Variants in CAMTA2 observed in about 807,000 individuals in gnomAD.
CAMTA2 encodes the protein calmodulin-binding transcription activator 2.
A neutral mutation model predicts 135.7 loss-of-function variants in CAMTA2; 56 were observed. The ratio of observed to expected loss-of-function variants is 0.41; its 90% CI spans 0.33 to 0.52. The LOEUF (loss-of-function observed/expected upper bound fraction) is 0.52, where lower values mean the gene tolerates loss of function less well. Ranked by LOEUF, CAMTA2 falls within the 20% of genes least tolerant of loss-of-function variation. The pLI is 0.16. For synonymous variants in CAMTA2, 591 were observed against 604.6 expected (o/e 0.98, Z 0.33); for missense variants, 1,358 against 1,553.4 (o/e 0.87, Z 2.11).
Position 4,980,401 on chromosome 17 carries a change from G to C in CAMTA2, c.921C>G (p.Ile307Met). The change falls in exon 9 of 23, where the codon ATC (isoleucine) becomes ATG (methionine). Residue 307 changes from isoleucine (I) to methionine (M), a missense_variant. Physicochemically the swap from Ile to Met is conservative, Grantham distance 10 (BLOSUM62 1). Around this residue, in one of 4 missense-constraint regions of CAMTA2, gnomAD observed 1,077 missense variants for 1,127.5 expected, o/e 0.96. Transcript: ENST00000348066. The surrounding 1 kb of genome is among the most constrained non-coding windows in gnomAD (Gnocchi z 5.3). ...SSSGFAEPLE[I>M]RPSPPTSRGG... ...CTCGAGAAGTGGGAGGGCTAGGTCT[G>C]ATTTCTAGGGGCTCTGCAAAACCTG... is the stretch of plus-strand genomic sequence containing the variant. 3.1e-6 allele frequency: 5 copies of C among 1,614,008 alleles called. No homozygotes were observed. The highest frequency in any genetic ancestry group is 4.2e-6 in the Non-Finnish European group (5 of 1,179,988).
At position 4,979,918 on chromosome 17, in the gene CAMTA2, T is replaced by C; in HGVS notation, c.1404A>G (p.Ser468=). The C allele has an allele frequency of 7.1e-7, 1 of 1,402,526 alleles. No individual in the cohort carries two copies. Among genetic ancestry groups the C allele is most frequent in the East Asian group, 3.1e-5 (1 of 31,826 alleles). 86.9% of individuals were successfully genotyped at this position (1,402,526 alleles called of 1,614,324 possible). The change falls in exon 9 of 23, where the codon TCA becomes TCG. Residue 468 remains serine (S), a synonymous_variant. Transcript: ENST00000348066. ...CCAAGGGGGCAGGTGAGGGTGGGGGTGAGGGAGGGGGTGAAGGTATGGGTG... is the reference window on the plus strand; with the variant it reads ...CCAAGGGGGCAGGTGAGGGTGGGGGCGAGGGAGGGGGTGAAGGTATGGGTG... ...AAPPIPSPPP[S]PPPSPAPLEP...
rs1389940736 is a variant in CAMTA2 at position 4,972,461 on chromosome 17, G to A, written c.2579C>T (p.Pro860Leu). 6.2e-7 allele frequency: 1 copy of A among 1,613,266 alleles called. No individual in the cohort carries two copies. The highest frequency in any genetic ancestry group is 2.2e-5 in the East Asian group (1 of 44,874). ...AGGTGCAGGGGGGGGACTGCCATCTGGGGCACTAGAATAGGCTGACGTGAC... is the reference window on the plus strand; with the variant it reads ...AGGTGCAGGGGGGGGACTGCCATCTAGGGCACTAGAATAGGCTGACGTGAC... The part of the protein sequence containing the change: ...FSVTSAYSSA[P>L]DGSPPPAPLP... The change falls in exon 16 of 23, where the codon CCA (proline) becomes CTA (leucine). Residue 860 changes from proline (P) to leucine (L), a missense_variant. Physicochemically the swap from Pro to Leu is moderately conservative, Grantham distance 98. Coordinates refer to ENST00000348066, the MANE Select transcript of CAMTA2 (RefSeq NM_015099.4).
intron 7 of CAMTA2, 143 bp downstream of exon 7, chr17:4,981,535 T>G: frequency 7.9e-7 from 1 of 1,258,168 alleles, no homozygotes. Flanking sequence ...TTCTAATACC[T>G]GAGAACACAC....
intron 6 of CAMTA2, 63 bp downstream of exon 6, chr17:4,982,026 T>G: frequency 7.2e-7 from 1 of 1,397,048 alleles, no homozygotes; most frequent in Non-Finnish European, 1.0e-6. Flanking sequence ...ACTTCCTTCT[T>G]TCAGACCCGT....
In CAMTA2 at chr17:4,982,623, G is replaced by C. The variant is rs1204155477; in HGVS notation, c.339+134C>G. ...CCAAAGCAATGTCAGCCGACCCAAA[G>C]TGAGTGAGAAGGGAAGAGTAACTGG... On this transcript the variant is annotated intron_variant, in intron 5 of 22. Coordinates refer to ENST00000348066, the MANE Select transcript of CAMTA2 (RefSeq NM_015099.4). 6.1e-6 allele frequency: 6 copies of C among 977,084 alleles called. No individual in the cohort carries two copies. In the African/African-American group the frequency reaches 6.6e-5, roughly 11 times the overall value. The allele number at this position is 977,084 out of a possible 1,614,324, so 60.5% of individuals were successfully genotyped here.
chr17:4,977,348 G>T, intron 10 of CAMTA2, 156 bp from the exon 11 acceptor site: 1 of 829,224 alleles, frequency 1.2e-6, no homozygotes, highest in Non-Finnish European at 1.8e-6. Context: ...CACTAACTGG[G>T]AAGGGAGTCC....
chr17:4,969,141 G>A lies in CAMTA2; in HGVS notation c.3470+9C>T, dbSNP rs773255373. On this transcript the variant is annotated intron_variant, in intron 21 of 22. Transcript: ENST00000348066. This position sits in a 1 kb window ranked among gnomAD's most constrained non-coding sequence, Gnocchi z 5.6. ...TGGGTGGGCACAGAGGGCTGGGGCT[G>A]GGCCCTACTTGTTGCGGGCAGGCAG... is the stretch of plus-strand genomic sequence containing the variant. The A allele has an allele frequency of 6.9e-6, 11 of 1,603,018 alleles. No individual in the cohort carries two copies. The African/African-American group carries it at 1.2e-4, about 18-fold the overall frequency.
At chr17:4,976,999 G>A (rs971472565) in intron 11 of CAMTA2, 59 bp downstream of exon 11, 3 of 1,586,974 alleles carry the variant, frequency 1.9e-6, no homozygotes, top group East Asian at 4.5e-5. Flanking sequence ...TGGTCTAGGA[G>A]CATGTCATGC....
rs1436404728 is a variant in CAMTA2 at position 4,985,780 on chromosome 17, T to C, written c.135+100A>G. On this transcript the variant is annotated intron_variant, in intron 3 of 22. Coordinates refer to ENST00000348066, the MANE Select transcript of CAMTA2 (RefSeq NM_015099.4). ...CCCCAAAGAGCTTAGAATGGTGCTC[T>C]GCACTTAGGAGTGTTGACAGACACG... 3.9e-6 allele frequency: 3 copies of C among 777,554 alleles called. No individual in the cohort carries two copies. In the African/African-American group the frequency reaches 5.1e-5, roughly 13 times the overall value. The allele number at this position is 777,554 out of a possible 1,614,324, so 48.2% of individuals were successfully genotyped here. A position where few individuals can be genotyped will look rare whatever the true frequency, so the allele number is the denominator to read the frequency against.
At chr17:4,982,621 AAGTG>A (rs1300779087) in intron 5 of CAMTA2, 132 bp downstream of exon 5, 3 of 967,202 alleles carry the variant, frequency 3.1e-6, no homozygotes, top group Non-Finnish European at 4.6e-6. Flanking sequence ...AGCCGACCCA[AAGTG>A]AGTGAGAAGG....
chr17:4,986,790 C>T (rs1044653263), intron 1 of CAMTA2: 64 of 605,742 alleles, frequency 1.1e-4, no homozygotes, highest in Non-Finnish European at 1.8e-4. Flanking sequence ...GATAACTGAA[C>T]CTAACCTATT....
At chr17:4,970,273 A>G (rs777439320) in intron 17 of CAMTA2, 67 bp downstream of exon 17, 41 of 1,571,080 alleles carry the variant, frequency 2.6e-5, no homozygotes, top group Non-Finnish European at 3.4e-5. Context: ...GCTGTGGGAA[A>G]GCCAGCTTTC....
intron 3 of CAMTA2, among the ~76,000 whole-genome samples, chr17:4,985,391 C>A (rs538715626): frequency 6.6e-6 from 1 of 152,298 alleles, no homozygotes; most frequent in South Asian, 2.1e-4. Flanking sequence ...GGTGGCTATG[C>A]CACAGAAAAG....
chr17:4,986,178 G>C lies in CAMTA2; in HGVS notation c.31+14C>G. On this transcript the variant is annotated intron_variant, in intron 2 of 22. Coordinates refer to ENST00000348066, the MANE Select transcript of CAMTA2 (RefSeq NM_015099.4). ...AGGCTGTGGCCACATTGGGAACCTGGTTTGTGAACTTACCAGCAACCTCGG... is the reference window on the plus strand; with the variant it reads ...AGGCTGTGGCCACATTGGGAACCTGCTTTGTGAACTTACCAGCAACCTCGG... 6.5e-7 allele frequency: 1 copy of C among 1,527,060 alleles called. No homozygotes were observed. 94.6% of individuals were successfully genotyped at this position (1,527,060 alleles called of 1,614,324 possible). A position where few individuals can be genotyped will look rare whatever the true frequency, so the allele number is the denominator to read the frequency against.
rs1972908141 is a variant in CAMTA2, at chr17:4,980,663, T to G, written c.701-42A>C. ...TAGGAGGGAGAGGAGATAAGACACA[T>G]CATTCCGCACCTTCTCTACCTTGAG... On this transcript the variant is annotated intron_variant, in intron 8 of 22. Transcript: ENST00000348066. The surrounding 1 kb of genome is among the most constrained non-coding windows in gnomAD (Gnocchi z 5.3). 6.8e-7 allele frequency: 1 copy of G among 1,463,934 alleles called. No individual in the cohort carries two copies. The highest frequency in any genetic ancestry group is 9.6e-7 in the Non-Finnish European group (1 of 1,046,300). The allele number at this position is 1,463,934 out of a possible 1,614,324, so 90.7% of individuals were successfully genotyped here.
chr17:4,969,155 G>A lies in CAMTA2; in HGVS notation c.3465C>T (p.Arg1155=). Residue 1155 remains arginine (R), a synonymous_variant, in exon 21 of 23, where the codon CGC becomes CGT. Transcript: ENST00000348066. This position sits in a 1 kb window ranked among gnomAD's most constrained non-coding sequence, Gnocchi z 5.6. The stretch of plus-strand genomic sequence containing the variant: ...GGGCTGGGGCTGGGCCCTACTTGTT[G>A]CGGGCAGGCAGGGTGGCCGAAGTCC... ...PHRTSATLPA[R]NKGSFLTKKQ... 1 of 1,605,992 alleles carries A rather than the reference G, an allele frequency of 6.2e-7. No homozygotes were observed. Among genetic ancestry groups the A allele is most frequent in the South Asian group, 1.1e-5 (1 of 90,588 alleles).
chr17:4,975,091 A>G (rs1172753953), intron 11 of CAMTA2, among the ~76,000 whole-genome samples: 4 of 152,082 alleles, frequency 2.6e-5, no homozygotes, highest in Non-Finnish European at 5.9e-5. Context: ...CCCGCCCCAT[A>G]TACAAATACG....
At position 4,980,233 on chromosome 17, in the gene CAMTA2, C is replaced by G; in HGVS notation, c.1089G>C (p.Glu363Asp). Residue 363 changes from glutamate (E) to aspartate (D), a missense_variant, in exon 9 of 23, where the codon GAG becomes GAC. By Grantham distance (45) the Glu-to-Asp change is conservative. Coordinates refer to ENST00000348066, the MANE Select transcript of CAMTA2 (RefSeq NM_015099.4). The surrounding 1 kb of genome is among the most constrained non-coding windows in gnomAD (Gnocchi z 5.3). ...SMSLAVVVGT[E>D]PSAPPAPPSP... ...TGGGAGGAGCTGGTGGGGCAGAAGG[C>G]TCAGTGCCTACAACCACTGCCAAAC... 6.3e-7 allele frequency: 1 copy of G among 1,579,752 alleles called. No homozygotes were observed.
intron 7 of CAMTA2, 97 bp downstream of exon 7, chr17:4,981,581 T>C: frequency 7.1e-7 from 1 of 1,408,440 alleles, no homozygotes; most frequent in South Asian, 1.4e-5. Context: ...TGGAGGGAGA[T>C]GATCAGCCCT....
Sources: gnomAD v4.1 joint callset for allele counts (sites outside exome capture counted in the v4.1 genomes callset) on GRCh38, gnomAD v4.1.1 for gene constraint, gnomAD v4.1.1 regional missense constraint, Gnocchi (gnomAD v3.1) non-coding constraint, MANE v1.5 for transcripts, NCBI Gene and HGNC (gene_info 2026-07-23, HGNC 2026-07-21) for gene names.